Variants in COL12A1 observed in about 807,000 individuals in gnomAD.
The protein encoded by COL12A1 is collagen alpha-1(XII) chain.
In COL12A1, 114 loss-of-function variants were observed where a neutral mutation model predicts 349.7. The ratio of observed to expected loss-of-function variants is 0.33; its 90% confidence interval spans 0.28 to 0.38. COL12A1 has a LOEUF of 0.38. COL12A1 is among the 10% of genes least tolerant of loss of function. The pLI, the probability that COL12A1 is intolerant of heterozygous loss-of-function variation, is 1.00. For missense variants in COL12A1, 3,284 were observed against 3,756.9 expected (o/e 0.87, Z 3.29); for synonymous variants, 1,369 against 1,329.0 (o/e 1.03, Z -0.66).
intron 46 of COL12A1, among the ~76,000 whole-genome samples, chr6:75,118,640 CTCAT>C (rs570861247): frequency 3.0e-3 from 453 of 152,318 alleles, no homozygotes; most frequent in Middle Eastern, 0.01. Context: ...TCTTTTAGCA[CTCAT>C]TAAGTCTGCA....
In COL12A1 at chr6:75,125,938, G is replaced by C. The variant is rs1019065075; in HGVS notation, c.6460+413C>G. On this transcript the variant is annotated intron_variant, in intron 39 of 65. Transcript: ENST00000322507. ...TACTAATTTAGGTGAAATTTTCAGAGGGGATTTGAAAGCAAGGCTGTCATG... is the reference window on the plus strand; with the variant it reads ...TACTAATTTAGGTGAAATTTTCAGACGGGATTTGAAAGCAAGGCTGTCATG... Among the ~76,000 whole-genome samples, 5 of 152,086 alleles carry C rather than the reference G, an allele frequency of 3.3e-5. No individual in the cohort carries two copies. The East Asian group carries it at 7.7e-4, about 23-fold the overall frequency.
At chr6:75,192,179 T>C (rs1441799520) in intron 4 of COL12A1, 33 bp downstream of exon 4, 3 of 1,420,032 alleles carry the variant, frequency 2.1e-6, no homozygotes, top group African/African-American at 1.5e-5. Flanking sequence ...AAATAAAAAT[T>C]ATACAAATAT....
At chr6:75,166,048 A>G (rs1373048662) in intron 13 of COL12A1, among the ~76,000 whole-genome samples, 5 of 152,144 alleles carry the variant, frequency 3.3e-5, no homozygotes, top group Non-Finnish European at 7.4e-5. Flanking sequence ...GACAAGATTG[A>G]CATCCAAATT....
intron 12 of COL12A1, 24 bp from the exon 13 acceptor site, chr6:75,175,334 A>G (rs775948098): frequency 4.4e-6 from 7 of 1,598,158 alleles, no homozygotes; most frequent in Non-Finnish European, 6.0e-6. Context: ...TGACAACATC[A>G]TCAAAACCCA....
At chr6:75,126,016 G>C (rs935368793) in intron 39 of COL12A1, among the ~76,000 whole-genome samples, 5 of 152,018 alleles carry the variant, frequency 3.3e-5, no homozygotes, top group African/African-American at 1.2e-4. Context: ...GGGCATAGTG[G>C]GAAAAATACA....
intron 62 of COL12A1, among the ~76,000 whole-genome samples, chr6:75,091,028 C>T (rs1767736062): frequency 1.3e-5 from 2 of 151,982 alleles, no homozygotes; most frequent in African/African-American, 2.4e-5. Flanking sequence ...TGGTGGGCCC[C>T]CTTCCTTAAG....
intron 2 of COL12A1, among the ~76,000 whole-genome samples, chr6:75,197,090 C>T (rs942188648): frequency 2.0e-5 from 3 of 152,130 alleles, no homozygotes; most frequent in African/African-American, 4.8e-5. Flanking sequence ...GCTTTTCAGG[C>T]ATGCCATTCT....
In COL12A1 at chr6:75,183,958, G is replaced by A; in HGVS notation, c.1184C>T (p.Ser395Leu). The change falls in exon 9 of 66, where the codon TCA becomes TTA. Residue 395 changes from serine to leucine, a missense_variant. Around this residue, in one of 2 missense-constraint regions of COL12A1, gnomAD observed 2,601 missense variants for 2,824.8 expected, o/e 0.92. Coordinates refer to ENST00000322507, the MANE Select transcript of COL12A1 (RefSeq NM_004370.6). Reference sequence around the variant, plus strand: ...ACTGATCTGGTATTCTGTGTCTGCTGAGAGGTCGCGAACACTGAGCGTGGT... The same window carrying A: ...ACTGATCTGGTATTCTGTGTCTGCTAAGAGGTCGCGAACACTGAGCGTGGT... ...QTTTLSVRDLSADTEYQISVS... is the reference protein window; with the variant it reads ...QTTTLSVRDLLADTEYQISVS... The A allele has an allele frequency of 6.2e-7, 1 of 1,614,188 alleles. No homozygotes were observed. Among genetic ancestry groups the A allele is most frequent in the Non-Finnish European group, 8.5e-7 (1 of 1,180,034 alleles).
chr6:75,106,522 G>A, intron 52 of COL12A1, 26 bp from the exon 53 acceptor site: 1 of 1,605,664 alleles, frequency 6.2e-7, no homozygotes, highest in Non-Finnish European at 8.5e-7. Context: ...AGCAACATCA[G>A]CTAAAGATGC....
intron 14 of COL12A1, among the ~76,000 whole-genome samples, chr6:75,165,167 G>A (rs1287304284): frequency 5.3e-5 from 8 of 151,796 alleles, no homozygotes; most frequent in Non-Finnish European, 1.2e-4. Flanking sequence ...TAAGTAACTT[G>A]ACAAAGATCA....
At chr6:75,170,395 T>C (rs1363263576) in intron 13 of COL12A1, among the ~76,000 whole-genome samples, 1 of 152,230 alleles carries the variant, frequency 6.6e-6, no homozygotes, top group East Asian at 1.9e-4. Flanking sequence ...GAAGATCTGC[T>C]TGTGGATAAC....
chr6:75,141,896 AAAAC>A, intron 27 of COL12A1, 132 bp downstream of exon 27: 1 of 1,119,318 alleles, frequency 8.9e-7, no homozygotes, highest in East Asian at 2.5e-5. Context: ...AAATAAGTGA[AAAAC>A]AATCTATGAA....
chr6:75,204,717 C>T (rs1770691982), intron 1 of COL12A1, among the ~76,000 whole-genome samples: 1 of 152,040 alleles, frequency 6.6e-6, no homozygotes, highest in South Asian at 2.1e-4. Flanking sequence ...TGCCAACTCG[C>T]CCCCTCCCAA....
intron 56 of COL12A1, 67 bp from the exon 57 acceptor site, chr6:75,102,119 G>A: frequency 1.4e-6 from 2 of 1,453,882 alleles, no homozygotes; most frequent in Middle Eastern, 1.8e-4. Flanking sequence ...AGGAAGACAT[G>A]AGTCACTTAT....
chr6:75,129,032 TG>T (rs1404887455), intron 37 of COL12A1, among the ~76,000 whole-genome samples: 5 of 152,236 alleles, frequency 3.3e-5, no homozygotes, highest in African/African-American at 1.2e-4. Context: ...ACAAACAACA[TG>T]GATAAGGTAT....
intron 13 of COL12A1, among the ~76,000 whole-genome samples, chr6:75,173,833 T>C (rs1343634420): frequency 6.6e-6 from 1 of 152,224 alleles, no homozygotes; most frequent in African/African-American, 2.4e-5. Flanking sequence ...ATATTTTGCT[T>C]AGTCACTGTG....
chr6:75,085,463 G>A lies in COL12A1; in HGVS notation c.*1084C>T. The A allele has an allele frequency of 5.0e-6, 2 of 403,842 alleles. No individual in the cohort carries two copies. The highest frequency in any genetic ancestry group is 5.3e-6 in the Non-Finnish European group (1 of 187,940). 25.0% of individuals were successfully genotyped at this position (403,842 alleles called of 1,614,324 possible). ...CATCACCCGCGGTGATGGCACTCCA[G>A]TCTTAATCTCATAACTATAAATAGA... On this transcript the variant is annotated 3_prime_UTR_variant, in exon 66 of 66. Coordinates refer to ENST00000322507, the MANE Select transcript of COL12A1 (RefSeq NM_004370.6).
At chr6:75,119,548 C>A in intron 44 of COL12A1, 75 bp from the exon 45 acceptor site, 2 of 1,523,810 alleles carry the variant, frequency 1.3e-6, no homozygotes, top group Non-Finnish European at 1.8e-6. Context: ...GATTCTCTAG[C>A]TGCGGAATAA....
In COL12A1 at chr6:75,085,198, C is replaced by G. The variant is rs558062482; in HGVS notation, c.*1349G>C. ...GGCGCGTGATCTCTGGTTCACTGCC[C>G]GGGTCCGTGGGGCAGGGCGCGCCGC... On this transcript the variant is annotated 3_prime_UTR_variant, in exon 66 of 66. Transcript: ENST00000322507. The G allele has an allele frequency of 4.8e-4, 223 of 467,146 alleles. No homozygotes were observed. The highest frequency in any genetic ancestry group is 9.1e-4 in the Non-Finnish European group (205 of 226,132). The allele number at this position is 467,146 out of a possible 1,614,324, so 28.9% of individuals were successfully genotyped here. A position where few individuals can be genotyped will look rare whatever the true frequency, so the allele number is the denominator to read the frequency against.
Sources: allele counts gnomAD v4.1 joint callset (sites outside exome capture counted in the v4.1 genomes callset), GRCh38; gene constraint gnomAD v4.1.1; regional missense constraint gnomAD v4.1.1; transcripts MANE v1.5; gene names NCBI Gene and HGNC (gene_info 2026-07-23, HGNC 2026-07-21).